Variants in YPEL1 observed in about 807,000 individuals in gnomAD.
YPEL1 encodes protein yippee-like 1.
In YPEL1, 7 loss-of-function variants were observed where a neutral mutation model predicts 17.3. The observed-to-expected ratio is 0.40, with a 90% CI of 0.23 to 0.76. The LOEUF is 0.76. Ranked by LOEUF, YPEL1 falls within the 30% of genes least tolerant of loss-of-function variation. The pLI is 0.35. For missense variants in YPEL1, 91 were observed against 155.5 expected (o/e 0.59, Z 2.21); for synonymous variants, 59 against 59.6 (o/e 0.99, Z 0.05).
intron 1 of YPEL1, among the ~76,000 whole-genome samples, chr22:21,731,354 G>A (rs1007356124): frequency 6.6e-6 from 1 of 151,816 alleles, no homozygotes; most frequent in Non-Finnish European, 1.5e-5. Flanking sequence ...GAAAGAAAAG[G>A]GGAGGTGTAG....
chr22:21,702,907 A>G (rs532927495), intron 4 of YPEL1, among the ~76,000 whole-genome samples: 1 of 152,170 alleles, frequency 6.6e-6, no homozygotes, highest in South Asian at 2.1e-4. Context: ...CCTTCAATTC[A>G]AGGTCCCTGA....
At chr22:21,727,446 T>A (rs1160966328) in intron 1 of YPEL1, among the ~76,000 whole-genome samples, 1 of 152,160 alleles carries the variant, frequency 6.6e-6, no homozygotes, top group African/African-American at 2.4e-5. Flanking sequence ...AGGAAAATCA[T>A]CTCCACTCTC....
At chr22:21,718,462 CA>C (rs1205970950) in intron 1 of YPEL1, among the ~76,000 whole-genome samples, 10 of 147,222 alleles carry the variant, frequency 6.8e-5, no homozygotes, top group East Asian at 2.0e-4. Context: ...GAGGCTCCAT[CA>C]AAAAAAAATA....
chr22:21,704,015 G>A (rs913518749), intron 2 of YPEL1, 133 bp from the exon 3 acceptor site: 21 of 976,154 alleles, frequency 2.2e-5, no homozygotes, highest in Non-Finnish European at 3.1e-5. Context: ...AGACACCGGC[G>A]TCCCCCCTCC....
chr22:21,714,074 G>A lies in YPEL1; in HGVS notation c.-164-3166C>T, dbSNP rs552424799. Among the ~76,000 whole-genome samples, 30 of 139,178 alleles carry A rather than the reference G, an allele frequency of 2.2e-4. No individual in the cohort carries two copies. In the East Asian group the frequency reaches 5.9e-3, roughly 28 times the overall value. 91.3% of individuals were successfully genotyped at this position (139,178 alleles called of 152,430 possible). A position where few individuals can be genotyped will look rare whatever the true frequency, so the allele number is the denominator to read the frequency against. On this transcript the variant is annotated intron_variant, in intron 1 of 4. Transcript: ENST00000339468. ...CCCCACCCCATGTGACCTCTGCTCC[G>A]GCAGCAGCCTGTCCTGTGCCCTTCC...
At chr22:21,725,393 G>C (rs1278404956) in intron 1 of YPEL1, among the ~76,000 whole-genome samples, 1 of 151,522 alleles carries the variant, frequency 6.6e-6, no homozygotes, top group African/African-American at 2.4e-5. Flanking sequence ...CTAATTTTTT[G>C]TATTTTTTGT....
chr22:21,726,416 T>C (rs1468087632), intron 1 of YPEL1, among the ~76,000 whole-genome samples: 2 of 152,162 alleles, frequency 1.3e-5, no homozygotes, highest in South Asian at 2.1e-4. Flanking sequence ...TCCTGAGAAA[T>C]AGGCATCCCT....
chr22:21,711,005 TG>T (rs200282156), intron 1 of YPEL1, 97 bp from the exon 2 acceptor site: 13 of 386,078 alleles, frequency 3.4e-5, no homozygotes, highest in Middle Eastern at 7.3e-4. Context: ...ACACGCGGGG[TG>T]GGGGGGTGGC....
chr22:21,727,528 T>C (rs1259746384), intron 1 of YPEL1, among the ~76,000 whole-genome samples: 3 of 152,364 alleles, frequency 2.0e-5, no homozygotes, highest in East Asian at 1.9e-4. Flanking sequence ...ATGTGGGGTA[T>C]GTTTTTAGAG....
intron 1 of YPEL1, among the ~76,000 whole-genome samples, chr22:21,713,636 C>A (rs906002448): frequency 6.6e-6 from 1 of 152,106 alleles, no homozygotes; most frequent in African/African-American, 2.4e-5. Flanking sequence ...ATGAAGAATT[C>A]TGGAGGTTGG....
intron 1 of YPEL1, among the ~76,000 whole-genome samples, chr22:21,724,427 C>T (rs2068312644): frequency 1.3e-5 from 2 of 152,006 alleles, no homozygotes; most frequent in Non-Finnish European, 2.9e-5. Flanking sequence ...ATCCCAGCTA[C>T]TCAGGAGGCT....
intron 1 of YPEL1, among the ~76,000 whole-genome samples, chr22:21,715,750 CTTTTTCTTTTCTTTTTT>C (rs2068216162): frequency 2.6e-5 from 2 of 78,412 alleles, no homozygotes; most frequent in Non-Finnish European, 2.6e-5. Flanking sequence ...CCTAATTTTT[CTTTTTCTTTTCTTTTTT>C]TTTTTTTTTT....
chr22:21,722,737 C>T (rs571426942), intron 1 of YPEL1, among the ~76,000 whole-genome samples: 4 of 152,130 alleles, frequency 2.6e-5, no homozygotes, highest in Non-Finnish European at 5.9e-5. Flanking sequence ...AAGCCCCCAC[C>T]CCACAGTCCG....
At chr22:21,723,416 G>A (rs959353688) in intron 1 of YPEL1, among the ~76,000 whole-genome samples, 11 of 152,140 alleles carry the variant, frequency 7.2e-5, no homozygotes, top group Non-Finnish European at 1.3e-4. Context: ...CATCCAGGCT[G>A]GAGTGCAGTG....
intron 1 of YPEL1, among the ~76,000 whole-genome samples, chr22:21,726,888 G>A (rs2068341318): frequency 6.6e-6 from 1 of 152,194 alleles, no homozygotes; most frequent in Non-Finnish European, 1.5e-5. Flanking sequence ...GGGATGCAGA[G>A]GACGCTACTA....
At chr22:21,712,914 C>T (rs529838301) in intron 1 of YPEL1, among the ~76,000 whole-genome samples, 1 of 152,050 alleles carries the variant, frequency 6.6e-6, no homozygotes, top group Admixed American at 6.6e-5. Context: ...TCCTACAACT[C>T]AACAAAACAA....
intron 1 of YPEL1, among the ~76,000 whole-genome samples, chr22:21,730,062 G>A (rs2068373156): frequency 6.6e-6 from 1 of 151,926 alleles, no homozygotes; most frequent in Admixed American, 6.6e-5. Context: ...TGAGGCGGGA[G>A]AACTGCTTGA....
At chr22:21,701,285 G>A in intron 4 of YPEL1, 67 bp from the exon 5 acceptor site, 1 of 1,236,194 alleles carries the variant, frequency 8.1e-7, no homozygotes, top group Non-Finnish European at 1.2e-6. Context: ...CACTCTTTTG[G>A]CAAAAACCCC....
At chr22:21,721,837 T>C (rs931172126) in intron 1 of YPEL1, among the ~76,000 whole-genome samples, 18 of 152,190 alleles carry the variant, frequency 1.2e-4, no homozygotes, top group Admixed American at 1.0e-3. Context: ...TCATCTTCCT[T>C]ACCTGAAACT....
Sources: gnomAD v4.1 joint callset for allele counts (sites outside exome capture counted in the v4.1 genomes callset) on GRCh38, gnomAD v4.1.1 for gene constraint, MANE v1.5 for transcripts, NCBI Gene and HGNC (gene_info 2026-07-23, HGNC 2026-07-21) for gene names.